Variants in TNR observed in about 807,000 individuals in gnomAD.
The protein encoded by TNR is tenascin-R.
Under a neutral mutation model 150.4 loss-of-function variants are expected in TNR, and 45 were observed. The observed-to-expected ratio is 0.30, with a 90% CI of 0.24 to 0.38. The LOEUF (loss-of-function observed/expected upper bound fraction) is 0.38. Among genes scored for constraint, TNR ranks in the 10% least tolerant of loss-of-function variants. The probability of loss-of-function intolerance (pLI) is 1.00; values close to 1 mark genes in which losing one functional copy is unlikely to be tolerated. For missense variants in TNR, 1,544 were observed against 1,759.1 expected (o/e 0.88, Z 2.19); for synonymous variants, 687 against 678.4 (o/e 1.01, Z -0.20).
intron 1 of TNR, among the ~76,000 whole-genome samples, chr1:175,742,899 T>C (rs948675107): frequency 6.6e-6 from 1 of 151,014 alleles, no homozygotes; most frequent in Non-Finnish European, 1.5e-5. Flanking sequence ...AAGAACAGCC[T>C]TACATGGAGA....
intron 2 of TNR, among the ~76,000 whole-genome samples, chr1:175,495,906 G>C (rs1658467835): frequency 6.6e-6 from 1 of 152,206 alleles, no homozygotes; most frequent in Admixed American, 6.5e-5. Flanking sequence ...GAATTCAGAA[G>C]TCTTGCTAGA....
chr1:175,573,213 TTTGA>T (rs1441702681), intron 1 of TNR, among the ~76,000 whole-genome samples: 2 of 152,228 alleles, frequency 1.3e-5, no homozygotes, highest in African/African-American at 2.4e-5. Context: ...ACTCTCTGAC[TTTGA>T]TTAAGGAAGA....
At chr1:175,506,285 G>A (rs1658954047) in intron 2 of TNR, among the ~76,000 whole-genome samples, 2 of 152,168 alleles carry the variant, frequency 1.3e-5, no homozygotes, top group Non-Finnish European at 2.9e-5. Flanking sequence ...GAAACAATGT[G>A]TTTCCTGTTT....
intron 3 of TNR, 124 bp downstream of exon 3, chr1:175,406,092 T>C (rs1258324912): frequency 1.3e-5 from 17 of 1,312,058 alleles, no homozygotes; most frequent in Non-Finnish European, 1.8e-5. Context: ...TGTGAAGAGA[T>C]GCCGGGGTTT....
intron 20 of TNR, among the ~76,000 whole-genome samples, chr1:175,331,081 CT>C (rs71129504): frequency 1.2e-3 from 107 of 91,420 alleles, no homozygotes; most frequent in East Asian, 2.5e-3. Context: ...TTCTTTCCTT[CT>C]TTCTTTCTTT....
At chr1:175,616,595 G>T (rs544796408) in intron 1 of TNR, among the ~76,000 whole-genome samples, 2 of 152,192 alleles carry the variant, frequency 1.3e-5, no homozygotes, top group African/African-American at 4.8e-5. Context: ...GAGCTGAGGG[G>T]ATCACGGGGC....
intron 1 of TNR, among the ~76,000 whole-genome samples, chr1:175,674,877 G>A (rs1489661731): frequency 6.6e-6 from 1 of 152,136 alleles, no homozygotes; most frequent in Non-Finnish European, 1.5e-5. Context: ...TAATTGGATT[G>A]TGACAAACAT....
chr1:175,386,095 C>T lies in TNR; in HGVS notation c.1714G>A (p.Val572Met), dbSNP rs748026252. The change falls in exon 8 of 23, where the codon GTG (valine) becomes ATG (methionine). Residue 572 changes from valine to methionine, a missense_variant. By Grantham distance (21) the Val-to-Met change is conservative. Coordinates refer to ENST00000367674, the MANE Select transcript of TNR (RefSeq NM_003285.3). The part of the protein sequence containing the change: ...QALRPGSRYE[V>M]SVSAVRGTNE... ...GTCCCTCGGACGGCACTGACTGACA[C>T]CTCGTATCGGGAGCCAGGCCGCAGG... 23 of 1,612,444 alleles carry T rather than the reference C, an allele frequency of 1.4e-5. No individual in the cohort carries two copies. The Admixed American group carries it at 3.8e-4, about 27-fold the overall frequency.
intron 2 of TNR, among the ~76,000 whole-genome samples, chr1:175,460,522 C>G (rs1557947791): frequency 6.6e-6 from 1 of 152,140 alleles, no homozygotes; most frequent in Non-Finnish European, 1.5e-5. Flanking sequence ...ATTGGATCAT[C>G]ACATATTACT....
intron 2 of TNR, among the ~76,000 whole-genome samples, chr1:175,445,107 A>G (rs960743635): frequency 2.6e-5 from 4 of 152,108 alleles, no homozygotes; most frequent in African/African-American, 7.2e-5. Flanking sequence ...CATCTCTACT[A>G]AAAACACAAA....
At chr1:175,623,796 G>A (rs1419726515) in intron 1 of TNR, among the ~76,000 whole-genome samples, 5 of 152,232 alleles carry the variant, frequency 3.3e-5, no homozygotes, top group African/African-American at 1.2e-4. Context: ...TGACATAGGA[G>A]TCTTCTGGTC....
intron 1 of TNR, among the ~76,000 whole-genome samples, chr1:175,707,232 T>A (rs1400406464): frequency 6.6e-6 from 1 of 152,196 alleles, no homozygotes; most frequent in Non-Finnish European, 1.5e-5. Flanking sequence ...CATTGGCTCA[T>A]TTTGCCATTT....
intron 5 of TNR, among the ~76,000 whole-genome samples, chr1:175,395,085 CAG>C (rs1367429201): frequency 6.6e-6 from 1 of 151,844 alleles, no homozygotes; most frequent in Non-Finnish European, 1.5e-5. Context: ...CAAATATAAA[CAG>C]AGATAATTAT....
Position 175,657,405 on chromosome 1 carries a change from C to G in TNR, c.-165+85821G>C, listed in dbSNP as rs569868984. Among the ~76,000 whole-genome samples, 483 of 152,240 alleles carry G rather than the reference C, an allele frequency of 3.2e-3. 1 individual carries two copies. Among genetic ancestry groups the G allele is most frequent in the African/African-American group, 0.011 (457 of 41,538 alleles). On this transcript the variant is annotated intron_variant, in intron 1 of 22. Transcript: ENST00000367674. ...GAACTAGAAATACCATTTGACCCAGCCATCCCATTACTGGGTATATACCCA... is the reference window on the plus strand; with the variant it reads ...GAACTAGAAATACCATTTGACCCAGGCATCCCATTACTGGGTATATACCCA...
At position 175,661,764 on chromosome 1, in the gene TNR, C is replaced by G. The variant is rs535709401; in HGVS notation, c.-165+81462G>C. Among the ~76,000 whole-genome samples, 9 of 151,356 alleles carry G rather than the reference C, an allele frequency of 5.9e-5. No homozygotes were observed. The East Asian group carries it at 1.2e-3, about 20-fold the overall frequency. On this transcript the variant is annotated intron_variant, in intron 1 of 22. Transcript: ENST00000367674. ...TTTTCTCCCTCTTTATTTCCTCCCC[C>G]TCTACATCTGCTCATCCTCTTTCCC...
chr1:175,650,831 C>G (rs200183120), intron 1 of TNR, among the ~76,000 whole-genome samples: 4 of 9,418 alleles, frequency 4.2e-4, no homozygotes, highest in Admixed American at 1.9e-3. Context: ...TCCTTACTAC[C>G]CCTCCCCCAC....
chr1:175,675,170 C>T (rs1375548348), intron 1 of TNR, among the ~76,000 whole-genome samples: 6 of 152,258 alleles, frequency 3.9e-5, no homozygotes, highest in Non-Finnish European at 7.3e-5. Context: ...CCTCTCTTAG[C>T]TTCTCACTCT....
At chr1:175,450,459 G>T (rs1446167086) in intron 2 of TNR, among the ~76,000 whole-genome samples, 1 of 152,216 alleles carries the variant, frequency 6.6e-6, no homozygotes, top group Non-Finnish European at 1.5e-5. Flanking sequence ...TGATAGCCGA[G>T]GACCTCTCCC....
intron 1 of TNR, among the ~76,000 whole-genome samples, chr1:175,658,071 C>T (rs2101894861): frequency 6.6e-6 from 1 of 151,714 alleles, no homozygotes; most frequent in Non-Finnish European, 1.5e-5. Flanking sequence ...AGTGACAAGC[C>T]CCAGGGGCCC....
Sources: gnomAD v4.1 joint callset for allele counts (sites outside exome capture counted in the v4.1 genomes callset) on GRCh38, gnomAD v4.1.1 for gene constraint, MANE v1.5 for transcripts, NCBI Gene and HGNC (gene_info 2026-07-23, HGNC 2026-07-21) for gene names.